NLRP14: variants seen among roughly 807,000 people sequenced by gnomAD.
NLRP14 encodes the protein NACHT, LRR and PYD domains-containing protein 14.
NLRP14 carries 105 observed loss-of-function variants against 94.7 expected under a neutral mutation model. That is an observed-to-expected ratio of 1.11 (90% CI 0.95 to 1.30). NLRP14 has a LOEUF of 1.30. Among genes scored for constraint, NLRP14 ranks in the 50% most tolerant of loss-of-function variants. The pLI, the probability that NLRP14 is intolerant of heterozygous loss-of-function variation, is 0.00. For missense variants in NLRP14, 1,362 were observed against 1,254.1 expected, an observed-to-expected ratio of 1.09 and a Z score of -1.30; for synonymous variants, 508 against 459.9, an observed-to-expected ratio of 1.10 and a Z score of -1.34.
the NLRP14 span, among the ~76,000 whole-genome samples, chr11:7,085,883 C>A: frequency 6.6e-6 from 1 of 152,126 alleles, no homozygotes; most frequent in Non-Finnish European, 1.5e-5. Flanking sequence ...GTGGCTGAAT[C>A]CATAAATGTA....
rs1852538748 is a variant in NLRP14 at position 7,057,737 on chromosome 11, A to T, written c.2352A>T (p.Arg784Ser). The T allele has an allele frequency of 4.3e-6, 7 of 1,612,562 alleles. No individual in the cohort carries two copies. The South Asian group carries it at 5.5e-5, about 13-fold the overall frequency. ...TAAATATATCTAATGCTCTCATCAGAAGCCAGAGCCTGATATTTCTGAATC... is the reference window on the plus strand; with the variant it reads ...TAAATATATCTAATGCTCTCATCAGTAGCCAGAGCCTGATATTTCTGAATC... Reference protein sequence around the residue: ...CCLNISNALIRSQSLIFLNLS... With the variant: ...CCLNISNALISSQSLIFLNLS... Residue 784 changes from arginine (R) to serine (S), a missense_variant, in exon 7 of 12, where the codon AGA becomes AGT. Physicochemically the swap from Arg to Ser is moderately radical, Grantham distance 110 (BLOSUM62 -1). Transcript: ENST00000299481.
intron 3 of NLRP14, among the ~76,000 whole-genome samples, chr11:7,041,526 T>C (rs1314722605): frequency 1.3e-5 from 2 of 152,186 alleles, no homozygotes; most frequent in African/African-American, 2.4e-5. Flanking sequence ...AGTTATACCT[T>C]ATTCAAAAGT....
rs1387885748 is a variant in NLRP14, at chr11:7,020,622, TC to T, written c.-169del. ...AACGGAGCTACTGGCTTCGGAGAAT[TC>T]TGTGACCCTCACCACCGCGACGACC... On this transcript the variant is annotated 5_prime_UTR_variant, in exon 1 of 12. Transcript: ENST00000299481. The T allele has an allele frequency of 3.9e-5, 6 of 152,194 alleles. No individual in the cohort carries two copies. The highest frequency in any genetic ancestry group is 8.8e-5 in the Non-Finnish European group (6 of 68,084). The allele number at this position is 152,194 out of a possible 1,614,324, so 9.4% of individuals were successfully genotyped here. A position where few individuals can be genotyped will look rare whatever the true frequency, so the allele number is the denominator to read the frequency against.
chr11:7,039,009 C>A, intron 2 of NLRP14, 134 bp downstream of exon 2: 1 of 772,138 alleles, frequency 1.3e-6, no homozygotes, highest in South Asian at 1.9e-5. Flanking sequence ...TGGTCTTGTG[C>A]ATGGGGAGCT....
chr11:7,037,089 C>T (rs1011190575), intron 1 of NLRP14, among the ~76,000 whole-genome samples: 8 of 152,274 alleles, frequency 5.3e-5, no homozygotes, highest in East Asian at 3.9e-4. Flanking sequence ...AGAAAGGAAG[C>T]GGAAGATGTA....
chr11:7,072,980 G>A (rs1852824517), downstream of NLRP14, among the ~76,000 whole-genome samples: 1 of 151,978 alleles, frequency 6.6e-6, no homozygotes, highest in Non-Finnish European at 1.5e-5. Context: ...GCTTGACTAT[G>A]GCTCAAGAAT....
At position 7,030,376 on chromosome 11, in the gene NLRP14, C is replaced by T. The variant is rs555372815; in HGVS notation, c.-21-8190C>T. On this transcript the variant is annotated intron_variant, in intron 1 of 11. Coordinates refer to ENST00000299481, the MANE Select transcript of NLRP14 (RefSeq NM_176822.4). ...TTAAATATATCGAGTAGGCTCTTAA[C>T]TGAGGGTCTCTGCACTTGCTATTTC... 3.9e-5 allele frequency among the ~76,000 whole-genome samples: 6 copies of T among 152,286 alleles called. No individual in the cohort carries two copies. In the East Asian group the frequency reaches 1.2e-3, roughly 29 times the overall value.
chr11:7,022,847 A>T (rs951009621), intron 1 of NLRP14, among the ~76,000 whole-genome samples: 1 of 152,192 alleles, frequency 6.6e-6, no homozygotes, highest in African/African-American at 2.4e-5. Context: ...GATTGTTATT[A>T]TCTGCCCCCT....
In NLRP14 at chr11:7,054,149, A is replaced by G. The variant is rs919195704; in HGVS notation, c.2292-3528A>G. Among the ~76,000 whole-genome samples the G allele has an allele frequency of 5.9e-5, 9 of 152,088 alleles. No individual in the cohort carries two copies. In the East Asian group the frequency reaches 1.7e-3, roughly 29 times the overall value. On this transcript the variant is annotated intron_variant, in intron 6 of 11. Coordinates refer to ENST00000299481, the MANE Select transcript of NLRP14 (RefSeq NM_176822.4). ...AAATGACAGGATCTCATTCTTTTTTATGGCTGGATAGTACTCCAGTGTGTG... is the reference window on the plus strand; with the variant it reads ...AAATGACAGGATCTCATTCTTTTTTGTGGCTGGATAGTACTCCAGTGTGTG...
intron 6 of NLRP14, among the ~76,000 whole-genome samples, chr11:7,053,812 A>G (rs1011181502): frequency 2.0e-5 from 3 of 152,118 alleles, no homozygotes; most frequent in Non-Finnish European, 4.4e-5. Context: ...CAATCCAAGT[A>G]TACTCTTTTA....
intron 1 of NLRP14, among the ~76,000 whole-genome samples, chr11:7,025,308 T>C (rs1851999476): frequency 6.6e-6 from 1 of 152,102 alleles, no homozygotes; most frequent in Non-Finnish European, 1.5e-5. Context: ...CTTCAATACA[T>C]CAGCCAAAAT....
intron 10 of NLRP14, among the ~76,000 whole-genome samples, chr11:7,064,073 T>C (rs1231091562): frequency 1.3e-5 from 2 of 152,152 alleles, no homozygotes; most frequent in Non-Finnish European, 2.9e-5. Context: ...TGGTTAGCCA[T>C]TGCACTAGTT....
intron 5 of NLRP14, among the ~76,000 whole-genome samples, chr11:7,047,234 T>C (rs1327940101): frequency 1.3e-5 from 2 of 152,210 alleles, no homozygotes; most frequent in South Asian, 4.1e-4. Flanking sequence ...TTCTGACAAG[T>C]GTAAACATCT....
Position 7,020,782 on chromosome 11 carries a change from T to C in NLRP14, c.-22+12T>C, listed in dbSNP as rs1287235668. ...GCTCTAAACTCAAGGTTAGAGGTTT[T>C]CAAATTCCGTCCTATTGTTGCCAGA... is the stretch of plus-strand genomic sequence containing the variant. On this transcript the variant is annotated intron_variant, in intron 1 of 11. Coordinates refer to ENST00000299481, the MANE Select transcript of NLRP14 (RefSeq NM_176822.4). 1.3e-5 allele frequency: 2 copies of C among 152,440 alleles called. No homozygotes were observed. Among genetic ancestry groups the C allele is most frequent in the East Asian group, 3.9e-4 (2 of 5,174 alleles). 9.4% of individuals were successfully genotyped at this position (152,440 alleles called of 1,614,324 possible).
intron 11 of NLRP14, among the ~76,000 whole-genome samples, chr11:7,070,696 T>G (rs1408625438): frequency 6.6e-6 from 1 of 152,192 alleles, no homozygotes; most frequent in Non-Finnish European, 1.5e-5. Context: ...TACCACTTAC[T>G]AAATGTTTAA....
intron 10 of NLRP14, among the ~76,000 whole-genome samples, chr11:7,066,043 C>CT (rs1409275608): frequency 6.6e-6 from 1 of 152,042 alleles, no homozygotes; most frequent in Admixed American, 6.6e-5. Flanking sequence ...TGAACTCATC[C>CT]TTTTTTATGG....
chr11:7,048,386 C>G (rs369010703), intron 5 of NLRP14, among the ~76,000 whole-genome samples: 1 of 152,294 alleles, frequency 6.6e-6, no homozygotes, highest in African/African-American at 2.4e-5. Context: ...GGAGCTGAAA[C>G]TGATCCTAAT....
intron 1 of NLRP14, among the ~76,000 whole-genome samples, chr11:7,030,073 A>G (rs1420758322): frequency 2.0e-5 from 3 of 152,248 alleles, no homozygotes; most frequent in Non-Finnish European, 4.4e-5. Flanking sequence ...TGCTATATGA[A>G]TATGAAAACT....
the NLRP14 span, among the ~76,000 whole-genome samples, chr11:7,083,228 G>T: frequency 3.3e-5 from 5 of 152,196 alleles, no homozygotes; most frequent in African/African-American, 1.2e-4. Flanking sequence ...ATTTGCAAAG[G>T]CATGTAAGCC....
Sources: gnomAD v4.1 joint callset for allele counts (sites outside exome capture counted in the v4.1 genomes callset) on GRCh38, gnomAD v4.1.1 for gene constraint, MANE v1.5 for transcripts, NCBI Gene and HGNC (gene_info 2026-07-23, HGNC 2026-07-21) for gene names.